PAICS: variants seen among roughly 807,000 people sequenced by gnomAD.
The protein encoded by PAICS is phosphoribosylaminoimidazole carboxylase and phosphoribosylaminoimidazolesuccinocarboxamide synthase.
PAICS carries 33 observed loss-of-function variants against 53.7 expected under a neutral mutation model. That is an observed-to-expected ratio of 0.61 (90% CI 0.47 to 0.82). The LOEUF (loss-of-function observed/expected upper bound fraction) is 0.82. Ranked by LOEUF, PAICS falls within the 40% of genes least tolerant of loss-of-function variation. PAICS has a pLI of 0.00. For missense variants in PAICS, 394 were observed against 494.1 expected, an observed-to-expected ratio of 0.80 and a Z score of 1.92; for synonymous variants, 141 against 167.2, an observed-to-expected ratio of 0.84 and a Z score of 1.21.
upstream of PAICS, chr4:56,431,576 GAAAATGTT>G (rs1235108038): frequency 2.1e-6 from 2 of 930,734 alleles, no homozygotes; most frequent in African/African-American, 3.6e-5. Flanking sequence ...TTAGAAGTAT[GAAAATGTT>G]TGTCATTGTA....
the PAICS span, among the ~76,000 whole-genome samples, chr4:56,415,377 TA>T: frequency 6.6e-6 from 1 of 152,240 alleles, no homozygotes; most frequent in African/African-American, 2.4e-5. Flanking sequence ...AAAAATCATG[TA>T]AACTGCATTC....
intron 1 of PAICS, among the ~76,000 whole-genome samples, chr4:56,440,759 A>G (rs114816761): frequency 6.6e-6 from 1 of 152,064 alleles, no homozygotes; most frequent in African/African-American, 2.4e-5. Flanking sequence ...CTCCCCTCAG[A>G]CTCAGGTCTC....
the PAICS span, among the ~76,000 whole-genome samples, chr4:56,430,700 C>G: frequency 6.7e-6 from 1 of 150,276 alleles, no homozygotes; most frequent in Non-Finnish European, 1.5e-5. Context: ...AGCAGTTTCT[C>G]CTTTCAGGTT....
chr4:56,448,935 T>C, intron 5 of PAICS, 112 bp downstream of exon 5: 1 of 634,284 alleles, frequency 1.6e-6, no homozygotes, highest in East Asian at 2.7e-5. Context: ...TGAACCTGTT[T>C]TGTGGATTGC....
At chr4:56,410,557 T>C in the PAICS span, 5,937 of 986,634 alleles carry the variant, frequency 6.0e-3, 294 homozygotes, top group African/African-American at 0.095. Flanking sequence ...AGGAGGAGGT[T>C]AAAGCTTTGC....
chr4:56,435,772 C>T (rs1717888539), upstream of PAICS: 1 of 1,503,512 alleles, frequency 6.7e-7, no homozygotes, highest in Admixed American at 2.0e-5. Context: ...TAAGAGCTGC[C>T]TGGAAAGCTG....
intron 6 of PAICS, 61 bp downstream of exon 6, chr4:56,450,763 T>C (rs751667989): frequency 5.9e-6 from 5 of 849,214 alleles, no homozygotes; most frequent in Non-Finnish European, 9.6e-6. Context: ...AAATCTTGTT[T>C]CAAAAGAAAA....
At chr4:56,451,835 TTTA>T in intron 6 of PAICS, 34 bp from the exon 7 acceptor site, 1 of 1,362,690 alleles carries the variant, frequency 7.3e-7, no homozygotes. Context: ...CATTTTTGTT[TTTA>T]TGTTCTTTTC....
intron 5 of PAICS, 85 bp from the exon 6 acceptor site, chr4:56,450,534 A>G: frequency 1.4e-6 from 1 of 728,886 alleles, no homozygotes; most frequent in Admixed American, 2.3e-5. Flanking sequence ...CAAACTCTTC[A>G]TAATCCCTCC....
chr4:56,428,678 G>T, the PAICS span, among the ~76,000 whole-genome samples: 1 of 152,042 alleles, frequency 6.6e-6, no homozygotes, highest in African/African-American at 2.4e-5. Context: ...TTTAGCAAGA[G>T]AAAAACTCTT....
Position 56,452,716 on chromosome 4 carries a change from C to T in PAICS, c.952+664C>T, listed in dbSNP as rs1046274835. On this transcript the variant is annotated intron_variant, in intron 7 of 8. Coordinates refer to ENST00000512576, the MANE Select transcript of PAICS (RefSeq NM_001079524.2). The stretch of plus-strand genomic sequence containing the variant: ...GGGAGGTTAAAATAGCCGGTTCTCC[C>T]GGGAATCTTTAGTTGCCACCCTTTC... Among the ~76,000 whole-genome samples, 12 of 152,176 alleles carry T rather than the reference C, an allele frequency of 7.9e-5. No homozygotes were observed. In the South Asian group the frequency reaches 8.3e-4, roughly 11 times the overall value.
In PAICS at chr4:56,459,691, C is replaced by T. The variant is rs1719406686; in HGVS notation, c.*153C>T. On this transcript the variant is annotated 3_prime_UTR_variant, in exon 9 of 9. Transcript: ENST00000512576. ...GCTTCTCTAGATCCATATTAATAAACATGAGCATCTAACCCCTCCTTTCTT... is the reference window on the plus strand; with the variant it reads ...GCTTCTCTAGATCCATATTAATAAATATGAGCATCTAACCCCTCCTTTCTT... 3.5e-6 allele frequency: 2 copies of T among 577,672 alleles called. No individual in the cohort carries two copies. The highest frequency in any genetic ancestry group is 6.1e-6 in the Non-Finnish European group (2 of 330,008). 35.8% of individuals were successfully genotyped at this position (577,672 alleles called of 1,614,324 possible).
upstream of PAICS, among the ~76,000 whole-genome samples, chr4:56,433,288 A>C (rs79263919): frequency 3.0e-4 from 46 of 151,932 alleles, 2 homozygotes; most frequent in East Asian, 4.2e-3. Flanking sequence ...AAAACCACAT[A>C]ATCACATCAT....
At chr4:56,414,602 T>G in the PAICS span, among the ~76,000 whole-genome samples, 29 of 152,242 alleles carry the variant, frequency 1.9e-4, no homozygotes, top group South Asian at 8.3e-4. Flanking sequence ...GGATTCATGC[T>G]GTGGAATGAG....
chr4:56,422,898 C>G, the PAICS span: 1 of 152,156 alleles, frequency 6.6e-6, no homozygotes, highest in Admixed American at 6.5e-5. Flanking sequence ...AATGCAAATT[C>G]TTGGGCCCCA....
At chr4:56,428,921 T>C in the PAICS span, 10 of 844,198 alleles carry the variant, frequency 1.2e-5, no homozygotes, top group Non-Finnish European at 1.4e-5. Context: ...ATGATTCTTT[T>C]CCTGTGTTTT....
intron 8 of PAICS, among the ~76,000 whole-genome samples, chr4:56,455,334 CTT>C (rs374806424): frequency 6.6e-6 from 1 of 152,306 alleles, no homozygotes; most frequent in African/African-American, 2.4e-5. Context: ...AAATCCCTAA[CTT>C]TTCTCATATC....
intron 8 of PAICS, among the ~76,000 whole-genome samples, chr4:56,457,737 C>T (rs1719297324): frequency 1.3e-5 from 2 of 151,260 alleles, no homozygotes; most frequent in Non-Finnish European, 2.9e-5. Context: ...GCAACCTCCG[C>T]CTCCCAGGTT....
chr4:56,448,973 G>T, intron 5 of PAICS, 150 bp downstream of exon 5: 2 of 595,986 alleles, frequency 3.4e-6, no homozygotes, highest in Non-Finnish European at 3.0e-6. Flanking sequence ...AAATGTCTCT[G>T]GTATCCTAAT....
Sources: gnomAD v4.1 joint callset for allele counts (sites outside exome capture counted in the v4.1 genomes callset) on GRCh38, gnomAD v4.1.1 for gene constraint, MANE v1.5 for transcripts, NCBI Gene and HGNC (gene_info 2026-07-23, HGNC 2026-07-21) for gene names.